The following CLIC5 variants were observed in gnomAD, a reference collection of about 807,000 sequenced individuals.
The protein encoded by CLIC5 is CLIC family member 5.
CLIC5 carries 20 observed loss-of-function variants against 24.7 expected under a neutral mutation model. The observed-to-expected ratio is 0.81, with a 90% CI of 0.57 to 1.18. The LOEUF is 1.18. CLIC5 is among the 50% of genes most tolerant of loss of function. The probability of loss-of-function intolerance (pLI) is 0.00; values close to 1 mark genes in which losing one functional copy is unlikely to be tolerated. For synonymous variants in CLIC5, 159 were observed against 135.6 expected, an observed-to-expected ratio of 1.17 and a Z score of -1.20; for missense variants, 341 against 326.1, an observed-to-expected ratio of 1.05 and a Z score of -0.35.
rs78929655 is a variant in CLIC5, at chr6:46,045,461, G to A, written c.540+34242C>T. On this transcript the variant is annotated intron_variant, in intron 1 of 5. Transcript: ENST00000185206. ...TGACTCAGAGTATATATGACTTCATGAAACACCACAGAGTGAGGGCAGAGA... is the reference window on the plus strand; with the variant it reads ...TGACTCAGAGTATATATGACTTCATAAAACACCACAGAGTGAGGGCAGAGA... Among the ~76,000 whole-genome samples, 9 of 152,244 alleles carry A rather than the reference G, an allele frequency of 5.9e-5. No homozygotes were observed. The East Asian group carries it at 1.4e-3, about 23-fold the overall frequency.
chr6:45,973,860 G>A (rs1219439721), intron 1 of CLIC5, among the ~76,000 whole-genome samples: 1 of 151,690 alleles, frequency 6.6e-6, no homozygotes, highest in South Asian at 2.1e-4. Flanking sequence ...AACCCAGGAG[G>A]CAGAGGTTGC....
intron 1 of CLIC5, among the ~76,000 whole-genome samples, chr6:46,029,377 G>A (rs1198934913): frequency 3.3e-5 from 5 of 152,166 alleles, no homozygotes; most frequent in African/African-American, 1.2e-4. Flanking sequence ...GTCCTGAGAG[G>A]TAGAAGAACA....
intron 1 of CLIC5, among the ~76,000 whole-genome samples, chr6:45,963,304 G>A (rs1399619651): frequency 2.0e-5 from 3 of 152,134 alleles, no homozygotes; most frequent in African/African-American, 7.2e-5. Flanking sequence ...TCTTAGGTGG[G>A]AGGAGCCAGC....
rs5875950 is a variant in CLIC5, at chr6:45,962,483, CAAA to C, written c.64-7242_64-7240del. 1.7e-3 allele frequency among the ~76,000 whole-genome samples: 189 copies of C among 112,500 alleles called. 1 individual carries two copies. The highest frequency in any genetic ancestry group is 0.016 in the East Asian group (70 of 4,446). 73.8% of individuals were successfully genotyped at this position (112,500 alleles called of 152,430 possible). On this transcript the variant is annotated intron_variant, in intron 1 of 5. Coordinates refer to ENST00000339561, the MANE Select transcript of CLIC5 (RefSeq NM_016929.5). ...CACCAATTTAAATGTTAATGTCATCCAAAAAAAAAAAAAAAAAAGCACCTTCAC... is the reference window on the plus strand; with the variant it reads ...CACCAATTTAAATGTTAATGTCATCCAAAAAAAAAAAAAAAGCACCTTCAC...
chr6:45,955,155 G>A lies in CLIC5; in HGVS notation c.153C>T (p.Val51=), dbSNP rs749745132. The change falls in exon 2 of 6, where the codon GTC becomes GTT. Residue 51 remains valine (V), a synonymous_variant. Coordinates refer to ENST00000339561, the MANE Select transcript of CLIC5 (RefSeq NM_016929.5). ...GTTACCTTTTCAGATCCACAGTGGT[G>A]ACATTGAACACGACTCCTTTCAGCC... The part of the protein sequence containing the change: ...ILWLKGVVFN[V]TTVDLKRKPA... 31 of 1,613,080 alleles carry A rather than the reference G, an allele frequency of 1.9e-5. No homozygotes were observed. In the South Asian group the frequency reaches 3.3e-4, roughly 17 times the overall value.
intron 1 of CLIC5, among the ~76,000 whole-genome samples, chr6:46,034,417 C>T (rs1042148406): frequency 2.0e-5 from 3 of 152,134 alleles, no homozygotes; most frequent in African/African-American, 7.2e-5. Context: ...GTGCTTCAGG[C>T]TGAGATGTTT....
chr6:45,915,759 A>T (rs1436680136), intron 4 of CLIC5, among the ~76,000 whole-genome samples: 1 of 152,246 alleles, frequency 6.6e-6, no homozygotes, highest in African/African-American at 2.4e-5. Context: ...GTGGGAAGCC[A>T]TCATCACTGA....
At chr6:46,073,947 C>A (rs1427153968) in intron 1 of CLIC5, among the ~76,000 whole-genome samples, 2 of 152,154 alleles carry the variant, frequency 1.3e-5, no homozygotes, top group African/African-American at 4.8e-5. Context: ...GGTAAATGCA[C>A]TAAATGTGTT....
At chr6:45,897,940 A>G (rs1001282933), downstream of CLIC5, among the ~76,000 whole-genome samples, 1 of 151,906 alleles carries the variant, frequency 6.6e-6, no homozygotes, top group African/African-American at 2.4e-5. Context: ...TACCTAGCCC[A>G]GGTATTATGA....
rs140858725 is a variant in CLIC5, at chr6:45,903,112, G to A, written c.732C>T (p.Val244=). The change falls in exon 6 of 6, where the codon GTC becomes GTT. Residue 244 remains valine, a synonymous_variant. Coordinates refer to ENST00000339561, the MANE Select transcript of CLIC5 (RefSeq NM_016929.5). ...CTCAGGATCGGCTGAGGCGTTTGGCGACATCAGCGTAGGCCAACTCGATCT... is the reference window on the plus strand; with the variant it reads ...CTCAGGATCGGCTGAGGCGTTTGGCAACATCAGCGTAGGCCAACTCGATCT... ...DSEIELAYAD[V]AKRLSRS The A allele has an allele frequency of 3.6e-5, 58 of 1,614,164 alleles. No individual in the cohort carries two copies. In the African/African-American group the frequency reaches 5.3e-4, roughly 15 times the overall value.
intron 1 of CLIC5, among the ~76,000 whole-genome samples, chr6:46,006,009 T>TAC (rs918453393): frequency 8.7e-5 from 11 of 126,020 alleles, no homozygotes; most frequent in Non-Finnish European, 1.9e-4. Context: ...TTTATATATA[T>TAC]ATATATACAC....
At chr6:46,005,684 G>T (rs1029580857) in intron 1 of CLIC5, among the ~76,000 whole-genome samples, 6 of 152,060 alleles carry the variant, frequency 3.9e-5, no homozygotes, top group Non-Finnish European at 1.5e-5. Context: ...GCATTAGCAG[G>T]TGGAGGCTTT....
chr6:46,110,232 T>A, the CLIC5 span, among the ~76,000 whole-genome samples: 1 of 152,216 alleles, frequency 6.6e-6, no homozygotes, highest in African/African-American at 2.4e-5. Flanking sequence ...TTTGTTGGAT[T>A]ACCAATAAAT....
chr6:46,074,923 C>T lies in CLIC5; in HGVS notation c.540+4780G>A, dbSNP rs116444071. ...AAGTTGTGTTAGAATTCCCTGACCA[C>T]TGCTCTTTCCACAATATTGTATTGC... On this transcript the variant is annotated intron_variant, in intron 1 of 5. Transcript: ENST00000185206. Among the ~76,000 whole-genome samples, 790 of 152,346 alleles carry T rather than the reference C, an allele frequency of 5.2e-3. 6 individuals carry two copies. Among genetic ancestry groups the T allele is most frequent in the African/African-American group, 0.018 (757 of 41,582 alleles).
chr6:46,076,844 C>A (rs1762783898), intron 1 of CLIC5, among the ~76,000 whole-genome samples: 1 of 152,184 alleles, frequency 6.6e-6, no homozygotes, highest in African/African-American at 2.4e-5. Context: ...ATGCAAAGTG[C>A]CTGGGAGACA....
At chr6:45,882,220 A>G (rs1268720816) in intron 6 of CLIC5, among the ~76,000 whole-genome samples, 1 of 152,252 alleles carries the variant, frequency 6.6e-6, no homozygotes, top group Admixed American at 6.5e-5. Context: ...CCATGGAATG[A>G]CTGTGTCCAG....
At chr6:45,912,069 G>C (rs989887999) in intron 5 of CLIC5, 30 of 985,736 alleles carry the variant, frequency 3.0e-5, no homozygotes, top group Middle Eastern at 5.2e-4. Context: ...TCTGACGTTC[G>C]CAGGGACTTC....
intron 4 of CLIC5, among the ~76,000 whole-genome samples, chr6:45,940,147 G>A (rs984853740): frequency 1.3e-5 from 2 of 152,062 alleles, no homozygotes; most frequent in Admixed American, 1.3e-4. Flanking sequence ...AATGATCTCA[G>A]CCAACTGCTT....
At chr6:45,967,507 A>G (rs1017333131) in intron 1 of CLIC5, among the ~76,000 whole-genome samples, 1 of 152,236 alleles carries the variant, frequency 6.6e-6, no homozygotes, top group African/African-American at 2.4e-5. Flanking sequence ...TTATTCATAC[A>G]AAGTGGCAGG....
Sources: allele counts gnomAD v4.1 joint callset (sites outside exome capture counted in the v4.1 genomes callset), GRCh38; gene constraint gnomAD v4.1.1; transcripts MANE v1.5; gene names NCBI Gene and HGNC (gene_info 2026-07-23, HGNC 2026-07-21).